The following CPQ variants were observed in gnomAD, a reference collection of about 807,000 sequenced individuals.
CPQ encodes carboxypeptidase Q.
Under a neutral mutation model 45.7 loss-of-function variants are expected in CPQ, and 37 were observed. The observed-to-expected ratio is 0.81, with a 90% CI of 0.62 to 1.07. The LOEUF is 1.07. CPQ is among the 50% of genes least tolerant of loss of function. CPQ has a pLI of 0.00. For missense variants in CPQ, 537 were observed against 572.9 expected, an observed-to-expected ratio of 0.94 and a Z score of 0.64; for synonymous variants, 186 against 205.8, an observed-to-expected ratio of 0.90 and a Z score of 0.82.
At chr8:96,968,198 T>C (rs1235112958) in intron 5 of CPQ, among the ~76,000 whole-genome samples, 1 of 152,178 alleles carries the variant, frequency 6.6e-6, no homozygotes, top group Non-Finnish European at 1.5e-5. Flanking sequence ...CACCATCCCT[T>C]GTATGATAGA....
intron 7 of CPQ, among the ~76,000 whole-genome samples, chr8:97,120,459 G>C (rs1270504824): frequency 1.3e-5 from 2 of 151,928 alleles, no homozygotes; most frequent in East Asian, 3.9e-4. Flanking sequence ...AGATAAATTA[G>C]TGGGCAATCA....
chr8:96,889,045 A>G (rs1237092507), intron 4 of CPQ, among the ~76,000 whole-genome samples: 4 of 152,152 alleles, frequency 2.6e-5, no homozygotes, highest in Admixed American at 2.0e-4. Flanking sequence ...TTTCCTGAAG[A>G]TGGGAGAACT....
rs142057008 is a variant in CPQ, at chr8:96,769,718, G to A, written c.-34-15146G>A. On this transcript the variant is annotated intron_variant, in intron 1 of 7. Coordinates refer to ENST00000220763, the MANE Select transcript of CPQ (RefSeq NM_016134.4). ...GCAATATTGACTCTGTGCAGCCTTC[G>A]CCTCCTGGGCTCAAACAATTCTCAC... Among the ~76,000 whole-genome samples, 518 of 146,008 alleles carry A rather than the reference G, an allele frequency of 3.5e-3. 17 individuals are homozygous for A. Among genetic ancestry groups the A allele is most frequent in the Admixed American group, 0.034 (479 of 14,086 alleles).
intron 7 of CPQ, among the ~76,000 whole-genome samples, chr8:97,138,057 T>C (rs1445912401): frequency 6.6e-6 from 1 of 152,212 alleles, no homozygotes; most frequent in Non-Finnish European, 1.5e-5. Flanking sequence ...TTCTCCTTCA[T>C]GTTTTTTGGA....
intron 1 of CPQ, among the ~76,000 whole-genome samples, chr8:96,730,225 G>A (rs984918269): frequency 2.6e-4 from 39 of 152,172 alleles, no homozygotes; most frequent in African/African-American, 9.4e-4. Context: ...TTGAGGATAT[G>A]ATAATCCTAT....
chr8:96,946,158 G>A (rs552842814), intron 4 of CPQ, among the ~76,000 whole-genome samples: 23 of 151,658 alleles, frequency 1.5e-4, no homozygotes, highest in Non-Finnish European at 3.2e-4. Context: ...TTCAGCACTC[G>A]TCTGTTTGCC....
chr8:97,107,006 TA>T (rs1448454631), intron 7 of CPQ, among the ~76,000 whole-genome samples: 1 of 152,100 alleles, frequency 6.6e-6, no homozygotes, highest in African/African-American at 2.4e-5. Context: ...ACAATTCTAT[TA>T]GAAGGTGAAG....
intron 1 of CPQ, among the ~76,000 whole-genome samples, chr8:96,744,386 T>G (rs1031053534): frequency 6.6e-6 from 1 of 152,186 alleles, no homozygotes; most frequent in African/African-American, 2.4e-5. Flanking sequence ...TGGCACTCCC[T>G]AATGAGATGA....
intron 7 of CPQ, among the ~76,000 whole-genome samples, chr8:97,083,586 C>T (rs552109285): frequency 1.3e-5 from 2 of 152,310 alleles, no homozygotes; most frequent in South Asian, 4.1e-4. Context: ...ACATTACTAG[C>T]TCTTCTATTT....
At chr8:97,101,470 A>C (rs904910359) in intron 7 of CPQ, among the ~76,000 whole-genome samples, 2 of 149,958 alleles carry the variant, frequency 1.3e-5, no homozygotes, top group African/African-American at 2.4e-5. Context: ...AAGATATACT[A>C]TCTCTCTCTC....
intron 7 of CPQ, among the ~76,000 whole-genome samples, chr8:97,098,476 C>A (rs1393770014): frequency 6.6e-6 from 1 of 152,172 alleles, no homozygotes. Context: ...AGAAGCCCTG[C>A]TGGTCCTTAC....
rs117201495 is a variant in CPQ at position 97,086,276 on chromosome 8, A to G, written c.1255+20066A>G. Among the ~76,000 whole-genome samples, 922 of 152,330 alleles carry G rather than the reference A, an allele frequency of 6.1e-3. 12 individuals are homozygous for G. The highest frequency in any genetic ancestry group is 7.2e-3 in the Non-Finnish European group (490 of 68,018). On this transcript the variant is annotated intron_variant, in intron 7 of 7. Coordinates refer to ENST00000220763, the MANE Select transcript of CPQ (RefSeq NM_016134.4). ...CTAGAAATGAACATTTAAATGAACT[A>G]TAGAATGCTCAGGGGGTAAAGGGAA...
At chr8:97,009,296 T>G (rs1426929437) in intron 5 of CPQ, among the ~76,000 whole-genome samples, 3 of 152,232 alleles carry the variant, frequency 2.0e-5, no homozygotes, top group African/African-American at 7.2e-5. Flanking sequence ...CTCTCGGTAT[T>G]CTTTAATTCT....
At chr8:96,679,784 T>G (rs1302757912) in intron 1 of CPQ, among the ~76,000 whole-genome samples, 1 of 151,922 alleles carries the variant, frequency 6.6e-6, no homozygotes, top group Non-Finnish European at 1.5e-5. Flanking sequence ...TTGTTTCTGA[T>G]TTTATTTACT....
At chr8:96,725,013 G>C (rs540717699) in intron 1 of CPQ, among the ~76,000 whole-genome samples, 1 of 152,306 alleles carries the variant, frequency 6.6e-6, no homozygotes, top group South Asian at 2.1e-4. Context: ...GTGGTGCTGA[G>C]ATAACTGGTT....
chr8:96,703,941 A>G (rs1469501370), intron 1 of CPQ, among the ~76,000 whole-genome samples: 2 of 152,200 alleles, frequency 1.3e-5, no homozygotes, highest in African/African-American at 4.8e-5. Context: ...CGTGCTGGTG[A>G]TATAATTTGG....
chr8:96,783,436 A>C (rs2130807580), intron 1 of CPQ, among the ~76,000 whole-genome samples: 1 of 152,282 alleles, frequency 6.6e-6, no homozygotes, highest in East Asian at 1.9e-4. Flanking sequence ...GGCATCGCAC[A>C]GAAGAAGGGC....
At chr8:97,017,632 C>T (rs1009979502) in intron 5 of CPQ, among the ~76,000 whole-genome samples, 6 of 152,016 alleles carry the variant, frequency 3.9e-5, no homozygotes, top group African/African-American at 1.2e-4. Context: ...CTGTGACTGC[C>T]GGCTTTCCCC....
intron 1 of CPQ, among the ~76,000 whole-genome samples, chr8:96,653,125 C>T (rs770345946): frequency 1.4e-4 from 22 of 152,122 alleles, no homozygotes; most frequent in Non-Finnish European, 2.8e-4. Context: ...GAAGGAGTTT[C>T]GCCATGTTGC....
Sources: gnomAD v4.1 joint callset for allele counts (sites outside exome capture counted in the v4.1 genomes callset) on GRCh38, gnomAD v4.1.1 for gene constraint, MANE v1.5 for transcripts, NCBI Gene and HGNC (gene_info 2026-07-23, HGNC 2026-07-21) for gene names.